Variants in SHISA9 observed in about 807,000 individuals in gnomAD.
The protein encoded by SHISA9 is shisa family member 9, also known as protein shisa-9.
SHISA9 carries 13 observed loss-of-function variants against 38.0 expected under a neutral mutation model. The observed-to-expected ratio is 0.34, with a 90% CI of 0.22 to 0.54. SHISA9 has a LOEUF of 0.54. Among genes scored for constraint, SHISA9 ranks in the 20% least tolerant of loss-of-function variants. The pLI is 0.91. For missense variants in SHISA9, 538 were observed against 575.8 expected (o/e 0.93, Z 0.67); for synonymous variants, 275 against 242.0 (o/e 1.14, Z -1.27).
At chr16:13,524,197 G>T in the SHISA9 span, among the ~76,000 whole-genome samples, 9 of 152,292 alleles carry the variant, frequency 5.9e-5, no homozygotes, top group South Asian at 1.9e-3. Context: ...AGTCCTGAGT[G>T]CCAAGAGAGG....
chr16:12,955,910 A>G (rs1293463347), intron 2 of SHISA9, among the ~76,000 whole-genome samples: 1 of 152,170 alleles, frequency 6.6e-6, no homozygotes, highest in Non-Finnish European at 1.5e-5. Flanking sequence ...GAGAAATGAG[A>G]CTTACTTTAA....
the SHISA9 span, among the ~76,000 whole-genome samples, chr16:13,354,500 G>C: frequency 6.6e-6 from 1 of 151,314 alleles, no homozygotes; most frequent in African/African-American, 2.4e-5. Context: ...TCAACAAAGA[G>C]TGAGTACAGC....
At position 13,237,661 on chromosome 16, in the gene SHISA9, A is replaced by G. The variant is rs1255685702; in HGVS notation, c.*2252A>G. ...GACGGAGTGAGACTATCTCAAAAAAAAAAAAAAAAAGAAAAAAAAAGAGAT... is the reference window on the plus strand; with the variant it reads ...GACGGAGTGAGACTATCTCAAAAAAGAAAAAAAAAAGAAAAAAAAAGAGAT... On this transcript the variant is annotated 3_prime_UTR_variant, in exon 5 of 5. Transcript: ENST00000558583. The G allele has an allele frequency of 6.6e-6, 1 of 151,146 alleles. No homozygotes were observed. Among genetic ancestry groups the G allele is most frequent in the African/African-American group, 2.4e-5 (1 of 41,266 alleles). 9.4% of individuals were successfully genotyped at this position (151,146 alleles called of 1,614,324 possible).
At chr16:12,991,243 G>C (rs1286443263) in intron 2 of SHISA9, among the ~76,000 whole-genome samples, 1 of 152,100 alleles carries the variant, frequency 6.6e-6, no homozygotes, top group Non-Finnish European at 1.5e-5. Flanking sequence ...TTCTGGGAAA[G>C]TTTTCCCTTT....
intron 2 of SHISA9, among the ~76,000 whole-genome samples, chr16:13,195,471 A>T (rs1336172264): frequency 6.6e-6 from 1 of 152,252 alleles, no homozygotes; most frequent in Admixed American, 6.5e-5. Context: ...CAAATCTTCC[A>T]TGAGGAATAA....
chr16:13,098,065 C>G (rs916973288), intron 2 of SHISA9, among the ~76,000 whole-genome samples: 2 of 152,198 alleles, frequency 1.3e-5, no homozygotes, highest in Admixed American at 1.3e-4. Flanking sequence ...TGTTACCACC[C>G]CATTTCGCAG....
At chr16:13,162,098 G>A (rs2050599955) in intron 2 of SHISA9, among the ~76,000 whole-genome samples, 1 of 152,138 alleles carries the variant, frequency 6.6e-6, no homozygotes, top group Admixed American at 6.5e-5. Flanking sequence ...TAGAAGACAA[G>A]TTAGCCCATA....
chr16:13,366,491 C>A, the SHISA9 span, among the ~76,000 whole-genome samples: 1 of 152,174 alleles, frequency 6.6e-6, no homozygotes, highest in African/African-American at 2.4e-5. Flanking sequence ...TGCATTGTTA[C>A]AAGCTCCCAG....
At chr16:13,515,762 T>C in the SHISA9 span, among the ~76,000 whole-genome samples, 2 of 152,252 alleles carry the variant, frequency 1.3e-5, no homozygotes, top group East Asian at 3.9e-4. Context: ...GAAGAAAATA[T>C]ATTAGTCTCT....
the SHISA9 span, among the ~76,000 whole-genome samples, chr16:13,394,061 C>T: frequency 6.6e-6 from 1 of 152,204 alleles, no homozygotes; most frequent in African/African-American, 2.4e-5. Flanking sequence ...GCGGATGGAA[C>T]TTGAATGGGA....
rs568895699 is a variant in SHISA9, at chr16:13,037,544, T to TGGG, written c.691+120732_691+120734dup. On this transcript the variant is annotated intron_variant, in intron 2 of 4. Transcript: ENST00000558583. Reference sequence around the variant, plus strand: ...ATGGACAGGATGGTGGATGAGAGAATGGGGGCAGAGATGAACTCTTCTTTG... The same window carrying TGGG: ...ATGGACAGGATGGTGGATGAGAGAATGGGGGGGGCAGAGATGAACTCTTCTTTG... Among the ~76,000 whole-genome samples the TGGG allele has an allele frequency of 8.2e-4, 125 of 152,030 alleles. 1 individual carries two copies. The highest frequency in any genetic ancestry group is 8.3e-4 in the South Asian group (4 of 4,818).
the SHISA9 span, among the ~76,000 whole-genome samples, chr16:13,336,158 G>C: frequency 6.6e-6 from 1 of 152,138 alleles, no homozygotes; most frequent in African/African-American, 2.4e-5. Context: ...GCTCAGACCT[G>C]TCCAGGAGCA....
At chr16:13,434,391 A>G in the SHISA9 span, among the ~76,000 whole-genome samples, 1 of 148,478 alleles carries the variant, frequency 6.7e-6, no homozygotes, top group African/African-American at 2.5e-5. Flanking sequence ...GCTCAATATT[A>G]ACCATCACAC....
chr16:13,467,845 C>T, the SHISA9 span, among the ~76,000 whole-genome samples: 4 of 152,180 alleles, frequency 2.6e-5, no homozygotes, highest in Non-Finnish European at 5.9e-5. Context: ...TCATTTGTCT[C>T]CCCTAGAAGA....
At chr16:13,076,362 A>G (rs1373947680) in intron 2 of SHISA9, among the ~76,000 whole-genome samples, 1 of 152,106 alleles carries the variant, frequency 6.6e-6, no homozygotes, top group Non-Finnish European at 1.5e-5. Flanking sequence ...CTAAGATGCT[A>G]CTCTGCCTCT....
intron 3 of SHISA9, among the ~76,000 whole-genome samples, chr16:13,207,436 T>TTGAA (rs951590486): frequency 6.6e-6 from 1 of 151,864 alleles, no homozygotes; most frequent in Non-Finnish European, 1.5e-5. Context: ...GAAATGTTTG[T>TTGAA]TGAATGAATG....
the SHISA9 span, among the ~76,000 whole-genome samples, chr16:13,504,442 A>G: frequency 4.2e-4 from 64 of 152,280 alleles, no homozygotes; most frequent in African/African-American, 1.5e-3. Flanking sequence ...AGCTCCTGGG[A>G]ACACTGCTCG....
At chr16:13,559,659 A>C in the SHISA9 span, among the ~76,000 whole-genome samples, 1 of 152,192 alleles carries the variant, frequency 6.6e-6, no homozygotes, top group African/African-American at 2.4e-5. Flanking sequence ...TTGGGATTGC[A>C]GGCATGAGCC....
intron 2 of SHISA9, among the ~76,000 whole-genome samples, chr16:13,165,585 C>T (rs767840751): frequency 4.6e-5 from 7 of 152,300 alleles, no homozygotes; most frequent in African/African-American, 1.4e-4. Flanking sequence ...TTCTCTGATA[C>T]GTGGAGAAAC....
Sources: gnomAD v4.1 joint callset for allele counts (sites outside exome capture counted in the v4.1 genomes callset) on GRCh38, gnomAD v4.1.1 for gene constraint, MANE v1.5 for transcripts, NCBI Gene and HGNC (gene_info 2026-07-23, HGNC 2026-07-21) for gene names.